The following LDLRAD4 variants were observed in gnomAD, a reference collection of about 807,000 sequenced individuals.
LDLRAD4 encodes the protein low-density lipoprotein receptor class A domain-containing protein 4.
In LDLRAD4, 5 loss-of-function variants were observed where a neutral mutation model predicts 17.0. That is an observed-to-expected ratio of 0.29 (90% confidence interval 0.15 to 0.62). The LOEUF (loss-of-function observed/expected upper bound fraction) is 0.62. Among genes scored for constraint, LDLRAD4 ranks in the 20% least tolerant of loss-of-function variants. The probability of loss-of-function intolerance (pLI) is 0.84; values close to 1 mark genes in which losing one functional copy is unlikely to be tolerated. For synonymous variants in LDLRAD4, 168 were observed against 171.8 expected (o/e 0.98, Z 0.17); for missense variants, 340 against 424.7 (o/e 0.80, Z 1.75).
At chr18:13,453,812 G>A (rs1189314311) in intron 3 of LDLRAD4, among the ~76,000 whole-genome samples, 1 of 152,196 alleles carries the variant, frequency 6.6e-6, no homozygotes, top group Non-Finnish European at 1.5e-5. Context: ...CCCGTCCCCA[G>A]TACTGCTGTG....
intron 2 of LDLRAD4, among the ~76,000 whole-genome samples, chr18:13,412,426 A>G (rs917240443): frequency 6.6e-6 from 1 of 152,194 alleles, no homozygotes. Context: ...CCTTATAAAG[A>G]AGTATTATCA....
chr18:13,259,204 C>T (rs1436121780), intron 1 of LDLRAD4, among the ~76,000 whole-genome samples: 1 of 152,152 alleles, frequency 6.6e-6, no homozygotes, highest in Non-Finnish European at 1.5e-5. Flanking sequence ...CCTCTCCCTC[C>T]TTCCTGCTCT....
chr18:13,275,039 CA>C (rs11396175), upstream of LDLRAD4, among the ~76,000 whole-genome samples: 5,633 of 128,916 alleles, frequency 0.044, 268 homozygotes, highest in African/African-American at 0.13. Flanking sequence ...GACCCTGTTT[CA>C]AAAAAAAAAA....
chr18:13,475,666 G>C (rs190493955), intron 3 of LDLRAD4, among the ~76,000 whole-genome samples: 9 of 152,256 alleles, frequency 5.9e-5, no homozygotes, highest in Middle Eastern at 6.8e-3. Flanking sequence ...AAGAAATCTT[G>C]TGAACAGCCA....
chr18:13,280,290 C>T lies in LDLRAD4; in HGVS notation c.-383+2102C>T, dbSNP rs1409550539. ...GTGGTAACTTTCATTCACTTTGTTA[C>T]CTTGGCAAGTCCTAACCCTCTATGA... On this transcript the variant is annotated intron_variant, in intron 1 of 5. Coordinates refer to ENST00000359446, the Ensembl canonical transcript of LDLRAD4. Among the ~76,000 whole-genome samples, 3 of 152,242 alleles carry T rather than the reference C, an allele frequency of 2.0e-5. No individual in the cohort carries two copies. In the East Asian group the frequency reaches 5.8e-4, roughly 29 times the overall value.
rs900209930 is a variant in LDLRAD4 at position 13,440,648 on chromosome 18, T to C, written c.181+2264T>C. Reference sequence around the variant, plus strand: ...TTCGGCCTAGGGGAGTGACAGCTCCTTTCAGCTTGGTTTCTCTCCCTGTGG... The same window carrying C: ...TTCGGCCTAGGGGAGTGACAGCTCCCTTCAGCTTGGTTTCTCTCCCTGTGG... On this transcript the variant is annotated intron_variant, in intron 3 of 5. Transcript: ENST00000359446. The surrounding 1 kb of genome is among the most constrained non-coding windows in gnomAD (Gnocchi z 4.4). 2.0e-5 allele frequency among the ~76,000 whole-genome samples: 3 copies of C among 152,188 alleles called. No homozygotes were observed. The highest frequency in any genetic ancestry group is 7.2e-5 in the African/African-American group (3 of 41,434).
intron 3 of LDLRAD4, among the ~76,000 whole-genome samples, chr18:13,505,021 CA>C (rs1468166844): frequency 6.6e-6 from 1 of 152,210 alleles, no homozygotes; most frequent in African/African-American, 2.4e-5. Flanking sequence ...ATGGGGATCT[CA>C]GGGGTTGCCA....
At chr18:13,308,565 C>T (rs1001971160) in intron 1 of LDLRAD4, among the ~76,000 whole-genome samples, 2 of 152,188 alleles carry the variant, frequency 1.3e-5, no homozygotes, top group Non-Finnish European at 2.9e-5. Flanking sequence ...CCTGTTCGAC[C>T]ACATCCTCAC....
chr18:13,286,494 C>T (rs1416285294), intron 1 of LDLRAD4, among the ~76,000 whole-genome samples: 1 of 152,220 alleles, frequency 6.6e-6, no homozygotes, highest in African/African-American at 2.4e-5. Context: ...GCCTCAGCCT[C>T]CTGAGTAGTT....
At chr18:13,226,057 G>C (rs756926794) in intron 1 of LDLRAD4, among the ~76,000 whole-genome samples, 4 of 151,552 alleles carry the variant, frequency 2.6e-5, no homozygotes, top group Admixed American at 1.3e-4. Flanking sequence ...GTCTTGCTCT[G>C]TTGTCCAGGC....
At chr18:13,568,644 G>A (rs1601445628) in intron 3 of LDLRAD4, among the ~76,000 whole-genome samples, 1 of 152,340 alleles carries the variant, frequency 6.6e-6, no homozygotes, top group Middle Eastern at 3.4e-3. Flanking sequence ...CAAGGTTCCA[G>A]TCTTGCTAAG....
intron 3 of LDLRAD4, among the ~76,000 whole-genome samples, chr18:13,448,796 G>C (rs912859975): frequency 2.0e-5 from 3 of 152,176 alleles, no homozygotes; most frequent in African/African-American, 7.2e-5. Context: ...GTGAAACTTG[G>C]AAGGGACCAT....
At chr18:13,301,646 T>C (rs1453090505) in intron 1 of LDLRAD4, among the ~76,000 whole-genome samples, 11 of 152,138 alleles carry the variant, frequency 7.2e-5, no homozygotes, top group Non-Finnish European at 1.3e-4. Context: ...GTCATGCTCA[T>C]GCACTCTTTC....
At chr18:13,591,912 A>G (rs991101794) in intron 3 of LDLRAD4, among the ~76,000 whole-genome samples, 1 of 152,210 alleles carries the variant, frequency 6.6e-6, no homozygotes, top group African/African-American at 2.4e-5. Context: ...CATTTTATAG[A>G]TGAGGAAACT....
chr18:13,444,507 G>A (rs1458599731), intron 3 of LDLRAD4, among the ~76,000 whole-genome samples: 1 of 152,202 alleles, frequency 6.6e-6, no homozygotes, highest in Non-Finnish European at 1.5e-5. Flanking sequence ...TAGGCTATTA[G>A]TAGTTAAGTT....
In LDLRAD4 at chr18:13,645,619, ATCAAAGGCAAAGATAGGAAGCC is replaced by A; in HGVS notation, c.885_906del (p.Ile295MetfsTer45). ...CAATGCAGAGAGCACAATAGTACCCATCAAAGGCAAAGATAGGAAGCCTGGGAACCTGGTCTGATTCCTTCCA... is the reference window on the plus strand; with the variant it reads ...CAATGCAGAGAGCACAATAGTACCCATGGGAACCTGGTCTGATTCCTTCCA... On this transcript the variant is annotated frameshift_variant, in exon 6 of 6. Coordinates refer to ENST00000359446, the Ensembl canonical transcript of LDLRAD4. LOFTEE classifies it high-confidence loss of function. This position sits in a 1 kb window ranked among gnomAD's most constrained non-coding sequence, Gnocchi z 5.7. 1 of 1,521,940 alleles carries A rather than the reference ATCAAAGGCAAAGATAGGAAGCC, an allele frequency of 6.6e-7. No homozygotes were observed. 94.3% of individuals were successfully genotyped at this position (1,521,940 alleles called of 1,614,324 possible).
intron 2 of LDLRAD4, among the ~76,000 whole-genome samples, chr18:13,391,947 C>CT (rs1259920682): frequency 1.3e-5 from 2 of 152,192 alleles, no homozygotes; most frequent in African/African-American, 4.8e-5. Flanking sequence ...GGATAGTCCA[C>CT]TTTTTGACGG....
chr18:13,625,081 G>C (rs2148845137), intron 4 of LDLRAD4, among the ~76,000 whole-genome samples: 1 of 152,348 alleles, frequency 6.6e-6, no homozygotes, highest in East Asian at 1.9e-4. Context: ...GGGGTTGGAT[G>C]CTCCTCCTGT....
chr18:13,487,516 C>G (rs79255182), intron 3 of LDLRAD4: 2 of 152,272 alleles, frequency 1.3e-5, no homozygotes, highest in African/African-American at 4.8e-5. Context: ...CTACCAAGGC[C>G]GAGAACTTCT....
Sources: allele counts gnomAD v4.1 joint callset (sites outside exome capture counted in the v4.1 genomes callset), GRCh38; gene constraint gnomAD v4.1.1; non-coding constraint Gnocchi (gnomAD v3.1); transcripts MANE v1.5; gene names NCBI Gene and HGNC (gene_info 2026-07-23, HGNC 2026-07-21).